The following H2BC4 variants were observed in gnomAD, a reference collection of about 807,000 sequenced individuals.
H2BC4 encodes H2B clustered histone 4.
A neutral mutation model predicts 6.2 loss-of-function variants in H2BC4; 10 were observed. The observed-to-expected ratio is 1.61, with a 90% CI of 0.99 to 2.73. The LOEUF is 2.73. Ranked by LOEUF, H2BC4 falls within the 30% of genes most tolerant of loss-of-function variation. The pLI, the probability that H2BC4 is intolerant of heterozygous loss-of-function variation, is 0.00. For missense variants in H2BC4, 176 were observed against 168.7 expected (o/e 1.04, Z -0.24); for synonymous variants, 146 against 70.7 (o/e 2.07, Z -5.35).
At chr6:26,121,777 G>A (rs1259237185), downstream of H2BC4, among the ~76,000 whole-genome samples, 2 of 151,512 alleles carry the variant, frequency 1.3e-5, no homozygotes, top group Admixed American at 1.3e-4. Flanking sequence ...ATTTAGGCCC[G>A]GCGCGGTGGC....
chr6:26,119,700 G>T (rs907838227), downstream of H2BC4, among the ~76,000 whole-genome samples: 1 of 151,486 alleles, frequency 6.6e-6, no homozygotes, highest in Non-Finnish European at 1.5e-5. Context: ...TTGTTTTTTA[G>T]AATATGAACC....
At chr6:26,123,377 GT>G, downstream of H2BC4, 1 of 1,366,900 alleles carries the variant, frequency 7.3e-7, no homozygotes, top group Non-Finnish European at 9.8e-7. Flanking sequence ...TGCAACACTT[GT>G]CCCCACCCCT....
chr6:26,120,154 T>C (rs1237352514), downstream of H2BC4, among the ~76,000 whole-genome samples: 1 of 152,224 alleles, frequency 6.6e-6, no homozygotes, highest in Non-Finnish European at 1.5e-5. Flanking sequence ...TTCACAATTA[T>C]TTAAATTCAT....
downstream of H2BC4, among the ~76,000 whole-genome samples, chr6:26,121,998 AGCCAAGATCGCGCC>A (rs1763502583): frequency 6.7e-6 from 1 of 150,144 alleles, no homozygotes; most frequent in Non-Finnish European, 1.5e-5. Context: ...GGTTGCTGTG[AGCCAAGATCGCGCC>A]ATTGCACTCC....
chr6:26,113,984 C>T (rs937617004), downstream of H2BC4, among the ~76,000 whole-genome samples: 4 of 151,930 alleles, frequency 2.6e-5, no homozygotes, highest in African/African-American at 9.7e-5. Flanking sequence ...CTCATTTAAC[C>T]TTAATTACCT....
chr6:26,122,015 T>C (rs1763503070), downstream of H2BC4, among the ~76,000 whole-genome samples: 1 of 146,390 alleles, frequency 6.8e-6, no homozygotes, highest in Non-Finnish European at 1.5e-5. Flanking sequence ...ATCGCGCCAT[T>C]GCACTCCAGC....
chr6:26,123,377 G>C (rs1416760407), downstream of H2BC4: 3 of 1,366,782 alleles, frequency 2.2e-6, no homozygotes, highest in Non-Finnish European at 2.0e-6. Context: ...TGCAACACTT[G>C]TCCCCACCCC....
downstream of H2BC4, among the ~76,000 whole-genome samples, chr6:26,121,687 T>G (rs1021810342): frequency 6.6e-6 from 1 of 151,668 alleles, no homozygotes; most frequent in East Asian, 1.9e-4. Flanking sequence ...ACTGATTAGT[T>G]AGTTGGCAGG....
At chr6:26,121,933 A>G (rs1763501753), downstream of H2BC4, among the ~76,000 whole-genome samples, 1 of 151,904 alleles carries the variant, frequency 6.6e-6, no homozygotes, top group African/African-American at 2.4e-5. Flanking sequence ...CATGCCTGTA[A>G]TCCCAGCTAC....
downstream of H2BC4, among the ~76,000 whole-genome samples, chr6:26,122,770 T>C (rs1393159173): frequency 6.6e-6 from 1 of 152,216 alleles, no homozygotes; most frequent in African/African-American, 2.4e-5. Flanking sequence ...CATTTATGGC[T>C]GACTGAGCAC....
At position 26,123,527 on chromosome 6, in the gene H2BC4, C is replaced by T. The variant is rs779542235; in HGVS notation, c.378G>A (p.Lys126=). ...TTAAGACGCTTACTTGGAATGTTTA[C>T]TTGGAGCTGGTGTACTTGGTGACGG... ...TKAVTKYTSS[K] Residue 126 remains lysine, a synonymous_variant, in exon 1 of 1, where the codon AAG becomes AAA. Coordinates refer to ENST00000396984, the MANE Select transcript of H2BC4 (RefSeq NM_003526.3). 3 of 1,614,254 alleles carry T rather than the reference C, an allele frequency of 1.9e-6. No homozygotes were observed. Among genetic ancestry groups the T allele is most frequent in the Admixed American group, 1.7e-5 (1 of 60,032 alleles).
downstream of H2BC4, among the ~76,000 whole-genome samples, chr6:26,113,434 G>A (rs532671961): frequency 1.3e-5 from 2 of 152,172 alleles, no homozygotes; most frequent in African/African-American, 4.8e-5. Flanking sequence ...AAGACATCTT[G>A]GTCTAATGCT....
At chr6:26,114,573 T>C (rs62396168), downstream of H2BC4, among the ~76,000 whole-genome samples, 282 of 152,222 alleles carry the variant, frequency 1.9e-3, no homozygotes, top group South Asian at 4.8e-3. Context: ...TTTGATTTAG[T>C]ATTTCCACTT....
In H2BC4 at chr6:26,123,757, G is replaced by A. The variant is rs1375283509; in HGVS notation, c.148C>T (p.His50Tyr). 2 of 1,614,158 alleles carry A rather than the reference G, an allele frequency of 1.2e-6. No individual in the cohort carries two copies. Among genetic ancestry groups the A allele is most frequent in the Admixed American group, 1.7e-5 (1 of 60,016 alleles). ...VYVYKVLKQV[H>Y]PDTGISSKAM... ...TTGGAAGAGATGCCAGTGTCGGGATGGACCTGTTTCAGCACCTTGTACACG... is the reference window on the plus strand; with the variant it reads ...TTGGAAGAGATGCCAGTGTCGGGATAGACCTGTTTCAGCACCTTGTACACG... The change falls in exon 1 of 1, where the codon CAT (histidine) becomes TAT (tyrosine). Residue 50 changes from histidine to tyrosine, a missense_variant. By Grantham distance (83) the His-to-Tyr change is moderately conservative. Coordinates refer to ENST00000396984, the MANE Select transcript of H2BC4 (RefSeq NM_003526.3).
downstream of H2BC4, among the ~76,000 whole-genome samples, chr6:26,119,956 C>T (rs144128982): frequency 2.0e-5 from 3 of 152,020 alleles, no homozygotes; most frequent in African/African-American, 7.2e-5. Context: ...ACTAATGAAA[C>T]TCACAGTTAA....
chr6:26,123,428 A>G (rs189531424), downstream of H2BC4: 5 of 1,555,460 alleles, frequency 3.2e-6, no homozygotes, highest in African/African-American at 6.9e-5. Flanking sequence ...GCCGCCAAAT[A>G]AAATTTGGCG....
At chr6:26,116,682 T>C (rs1391044960) in intron 1 of H2BC4, among the ~76,000 whole-genome samples, 2 of 152,108 alleles carry the variant, frequency 1.3e-5, no homozygotes. Context: ...CCTGGCAGCC[T>C]GGGCAACAAA....
rs1412017004 is a variant in H2BC4 at position 26,123,671 on chromosome 6, A to C, written c.234T>G (p.Ala78=). 6.2e-7 allele frequency: 1 copy of C among 1,614,264 alleles called. No individual in the cohort carries two copies. The highest frequency in any genetic ancestry group is 8.5e-7 in the Non-Finnish European group (1 of 1,180,050). The change falls in exon 1 of 1, where the codon GCT becomes GCG. Residue 78 remains alanine (A), a synonymous_variant. Coordinates refer to ENST00000396984, the MANE Select transcript of H2BC4 (RefSeq NM_003526.3). ...NDIFERIAGE[A]SRLAHYNKRS... is the part of the protein sequence containing the mutation. ...GCTTGTTGTAATGCGCCAGGCGGGA[A>C]GCCTCGCCCGCGATGCGCTCAAATA...
downstream of H2BC4, among the ~76,000 whole-genome samples, chr6:26,122,053 C>CA (rs67046086): frequency 1.3e-3 from 162 of 124,178 alleles, 1 homozygote; most frequent in South Asian, 0.015. Flanking sequence ...AACTTCGTCT[C>CA]AAAAAAAAAA....
Sources: gnomAD v4.1 joint callset for allele counts (sites outside exome capture counted in the v4.1 genomes callset) on GRCh38, gnomAD v4.1.1 for gene constraint, MANE v1.5 for transcripts, NCBI Gene and HGNC (gene_info 2026-07-23, HGNC 2026-07-21) for gene names.